The following ABCB11 variants were observed in gnomAD, a reference collection of about 807,000 sequenced individuals.
The protein encoded by ABCB11 is ATP binding cassette subfamily B member 11, also known as bile salt export pump.
A neutral mutation model predicts 148.0 loss-of-function variants in ABCB11; 95 were observed. The ratio of observed to expected loss-of-function variants is 0.64; its 90% confidence interval spans 0.54 to 0.76. ABCB11 has a LOEUF of 0.76. ABCB11 is among the 30% of genes least tolerant of loss of function. The pLI is 0.00. For synonymous variants in ABCB11, 591 were observed against 555.4 expected (o/e 1.06, Z -0.90); for missense variants, 1,523 against 1,617.8 (o/e 0.94, Z 1.01).
Position 168,927,303 on chromosome 2 carries a change from T to A in ABCB11, c.3471A>T (p.Gly1157=). The A allele has an allele frequency of 2.5e-6, 4 of 1,613,908 alleles. No homozygotes were observed. In the South Asian group the frequency reaches 3.3e-5, roughly 13 times the overall value. ...VNVQFLRSNI[G]IVSQEPVLFA... ...ACAACACTGGTTCCTGGGAAACAAT[T>A]CCAATGTTTGAGCGGAGGAACTGGA... The change falls in exon 26 of 28, where the codon GGA becomes GGT. Residue 1157 remains glycine (G), a synonymous_variant. Transcript: ENST00000650372.
At chr2:168,952,494 A>T (rs187652737) in intron 19 of ABCB11, among the ~76,000 whole-genome samples, 6 of 151,142 alleles carry the variant, frequency 4.0e-5, no homozygotes, top group Admixed American at 3.3e-4. Context: ...ATTTCCTCTA[A>T]GTTTTCCAGT....
chr2:168,973,730 G>T lies in ABCB11; in HGVS notation c.1419C>A (p.Asp473Glu). Reference sequence around the variant, plus strand: ...AGACACCCACCATTCCTTCACAGGGGTCATAGAATCGCTGAATGAGTTGCA... The same window carrying T: ...AGACACCCACCATTCCTTCACAGGGTTCATAGAATCGCTGAATGAGTTGCA... ...TALQLIQRFYDPCEGMVTVDG... is the reference protein window; with the variant it reads ...TALQLIQRFYEPCEGMVTVDG... The change falls in exon 13 of 28, where the codon GAC (aspartate) becomes GAA (glutamate). Residue 473 changes from aspartate (D) to glutamate (E), a missense_variant. Physicochemically the swap from Asp to Glu is conservative, Grantham distance 45. Transcript: ENST00000650372. 1 of 1,611,942 alleles carries T rather than the reference G, an allele frequency of 6.2e-7. No homozygotes were observed. The highest frequency in any genetic ancestry group is 2.2e-5 in the East Asian group (1 of 44,810).
At position 169,001,271 on chromosome 2, in the gene ABCB11, G is replaced by A. The variant is rs556511618; in HGVS notation, c.390-4549C>T. Among the ~76,000 whole-genome samples the A allele has an allele frequency of 1.2e-4, 18 of 152,228 alleles. No homozygotes were observed. In the South Asian group the frequency reaches 2.5e-3, roughly 21 times the overall value. On this transcript the variant is annotated intron_variant, in intron 5 of 27. Transcript: ENST00000650372. Reference sequence around the variant, plus strand: ...GTCTATTGCATTTACTCATAGTTTTGTTACTACGCACTCCCTTCCTGATGT... The same window carrying A: ...GTCTATTGCATTTACTCATAGTTTTATTACTACGCACTCCCTTCCTGATGT...
At chr2:168,927,425 T>TA in intron 25 of ABCB11, 63 bp from the exon 26 acceptor site, 2 of 1,368,806 alleles carry the variant, frequency 1.5e-6, no homozygotes, top group Middle Eastern at 3.6e-4. Context: ...GGAAAGTTCA[T>TA]ATTCTAGCAT....
rs750005514 is a variant in ABCB11, at chr2:168,944,647, T to C, written c.2568A>G (p.Ala856=). The change falls in exon 21 of 28, where the codon GCA becomes GCG. Residue 856 remains alanine (A), a synonymous_variant. Transcript: ENST00000650372. ...WFDDLRNSPG[A]LTTRLATDAS... The stretch of plus-strand genomic sequence containing the variant: ...CATCTGTAGCAAGTCTTGTTGTCAA[T>C]GCTCCAGGGCTATTTCTGAGGTCAT... The C allele has an allele frequency of 4.3e-6, 7 of 1,611,484 alleles. No homozygotes were observed. In the South Asian group the frequency reaches 7.7e-5, roughly 18 times the overall value.
chr2:168,995,232 T>C (rs1694675721), intron 7 of ABCB11, 117 bp downstream of exon 7: 7 of 1,209,236 alleles, frequency 5.8e-6, no homozygotes, highest in Non-Finnish European at 6.8e-6. Flanking sequence ...GAAAGCCCAA[T>C]TTAAGAGATG....
At chr2:169,000,243 C>T (rs921374247) in intron 5 of ABCB11, among the ~76,000 whole-genome samples, 1 of 151,950 alleles carries the variant, frequency 6.6e-6, no homozygotes, top group Non-Finnish European at 1.5e-5. Flanking sequence ...AATATGTTCT[C>T]CCAGTCAGTA....
At chr2:169,028,367 G>A (rs956903648) in intron 1 of ABCB11, among the ~76,000 whole-genome samples, 1 of 152,106 alleles carries the variant, frequency 6.6e-6, no homozygotes, top group Non-Finnish European at 1.5e-5. Flanking sequence ...CCCTGATGCA[G>A]AGGAGCTGCC....
chr2:168,992,550 T>C (rs1223707737), intron 8 of ABCB11, among the ~76,000 whole-genome samples: 2 of 152,112 alleles, frequency 1.3e-5, no homozygotes, highest in Non-Finnish European at 2.9e-5. Flanking sequence ...GAAAAACATA[T>C]ACATCTCTCT....
intron 1 of ABCB11, among the ~76,000 whole-genome samples, chr2:169,025,327 C>A (rs771951745): frequency 6.6e-6 from 1 of 152,180 alleles, no homozygotes; most frequent in Non-Finnish European, 1.5e-5. Flanking sequence ...TCTCTCTCCA[C>A]GTCCTGATTT....
chr2:168,972,380 T>C (rs1693622099), intron 13 of ABCB11, among the ~76,000 whole-genome samples: 2 of 152,040 alleles, frequency 1.3e-5, no homozygotes, highest in South Asian at 4.1e-4. Context: ...TTTATATCTT[T>C]TGACTTTTGA....
chr2:168,957,918 A>G (rs1299221492), intron 19 of ABCB11, 46 bp downstream of exon 19: 24 of 1,414,078 alleles, frequency 1.7e-5, no homozygotes, highest in Non-Finnish European at 2.3e-5. Context: ...AAAATAATAA[A>G]ATAAAAGGTA....
chr2:168,958,100 A>G lies in ABCB11; in HGVS notation c.2207T>C (p.Val736Ala). Reference protein sequence around the residue: ...KDKDIPVQEEVEPAPVRRILK... With the variant: ...KDKDIPVQEEAEPAPVRRILK... The stretch of plus-strand genomic sequence containing the variant: ...AATCCTCCTAACTGGGGCAGGTTCA[A>G]CTTCTTCCTGCACAGGAATGTCCTT... The change falls in exon 19 of 28, where the codon GTT becomes GCT. Residue 736 changes from valine (V) to alanine (A), a missense_variant. By Grantham distance (64) the Val-to-Ala change is moderately conservative. Coordinates refer to ENST00000650372, the MANE Select transcript of ABCB11 (RefSeq NM_003742.4). The G allele has an allele frequency of 6.2e-7, 1 of 1,611,178 alleles. No homozygotes were observed. The highest frequency in any genetic ancestry group is 1.1e-5 in the South Asian group (1 of 90,988).
chr2:168,963,622 G>C (rs1409882428), intron 18 of ABCB11, among the ~76,000 whole-genome samples: 3 of 151,666 alleles, frequency 2.0e-5, no homozygotes, highest in Non-Finnish European at 4.4e-5. Context: ...ATGCTACCTT[G>C]AATTATGTTA....
chr2:169,014,238 C>A (rs1463026369), intron 4 of ABCB11, 65 bp downstream of exon 4: 1 of 1,457,026 alleles, frequency 6.9e-7, no homozygotes, highest in Admixed American at 1.7e-5. Context: ...ATTTAACACT[C>A]CCCTCATGAT....
At chr2:168,958,518 T>C (rs1303086952) in intron 18 of ABCB11, among the ~76,000 whole-genome samples, 1 of 151,754 alleles carries the variant, frequency 6.6e-6, no homozygotes, top group Non-Finnish European at 1.5e-5. Context: ...TTAAAATAAA[T>C]GTCAAGGTTC....
intron 18 of ABCB11, among the ~76,000 whole-genome samples, chr2:168,961,209 G>A (rs1464474872): frequency 6.6e-6 from 1 of 151,728 alleles, no homozygotes; most frequent in Non-Finnish European, 1.5e-5. Flanking sequence ...GCTAGACACT[G>A]GGCTTTTCTG....
chr2:168,968,846 C>T (rs774064511), intron 16 of ABCB11, among the ~76,000 whole-genome samples: 27 of 151,512 alleles, frequency 1.8e-4, no homozygotes, highest in Non-Finnish European at 7.4e-5. Context: ...GAATAACCCT[C>T]CTATGTTAAA....
chr2:168,958,875 C>T (rs937264774), intron 18 of ABCB11, among the ~76,000 whole-genome samples: 5 of 151,548 alleles, frequency 3.3e-5, no homozygotes, highest in East Asian at 2.0e-4. Flanking sequence ...TGGTCTTAAG[C>T]GTAATTAATT....
Sources: gnomAD v4.1 joint callset for allele counts (sites outside exome capture counted in the v4.1 genomes callset) on GRCh38, gnomAD v4.1.1 for gene constraint, MANE v1.5 for transcripts, NCBI Gene and HGNC (gene_info 2026-07-23, HGNC 2026-07-21) for gene names.